LAMA2: variants seen among roughly 807,000 people sequenced by gnomAD.
The protein encoded by LAMA2 is laminin subunit alpha 2.
LAMA2 carries 269 observed loss-of-function variants against 364.8 expected under a neutral mutation model. That is an observed-to-expected ratio of 0.74 (90% CI 0.67 to 0.82). LAMA2 has a LOEUF of 0.82. LAMA2 is among the 40% of genes least tolerant of loss of function. The pLI, the probability that LAMA2 is intolerant of heterozygous loss-of-function variation, is 0.00. For synonymous variants in LAMA2, 1,379 were observed against 1,370.6 expected, an observed-to-expected ratio of 1.01 and a Z score of -0.14; for missense variants, 3,807 against 3,873.2, an observed-to-expected ratio of 0.98 and a Z score of 0.45.
At position 129,270,606 on chromosome 6, in the gene LAMA2, T is replaced by A. The variant is rs199846930; in HGVS notation, c.2323-18T>A. Reference sequence around the variant, plus strand: ...CTGACACCAAAATAATAAACTCTGATGCTCATTTCTTTCTCAGAACTGTAA... The same window carrying A: ...CTGACACCAAAATAATAAACTCTGAAGCTCATTTCTTTCTCAGAACTGTAA... On this transcript the variant is annotated intron_variant, in intron 16 of 64. Coordinates refer to ENST00000421865, the MANE Select transcript of LAMA2 (RefSeq NM_000426.4). 1,427 of 1,612,630 alleles carry A rather than the reference T, an allele frequency of 8.8e-4. 14 individuals are homozygous for A. Among genetic ancestry groups the A allele is most frequent in the Middle Eastern group, 4.1e-3 (25 of 6,052 alleles).
chr6:128,924,121 T>A (rs1778930411), intron 1 of LAMA2, among the ~76,000 whole-genome samples: 1 of 152,192 alleles, frequency 6.6e-6, no homozygotes, highest in Admixed American at 6.5e-5. Context: ...TCTATTAAAA[T>A]CATACTATGC....
At chr6:128,944,127 A>G (rs534301002) in intron 1 of LAMA2, among the ~76,000 whole-genome samples, 8 of 152,346 alleles carry the variant, frequency 5.3e-5, no homozygotes, top group Admixed American at 3.9e-4. Context: ...GGGAAAAAGC[A>G]AATGGGACCT....
At chr6:129,430,410 G>T (rs747559484) in intron 41 of LAMA2, among the ~76,000 whole-genome samples, 1 of 152,240 alleles carries the variant, frequency 6.6e-6, no homozygotes, top group Non-Finnish European at 1.5e-5. Flanking sequence ...TTTTTATGCT[G>T]TCCTTGCCTT....
rs1204564140 is a variant in LAMA2 at position 129,342,474 on chromosome 6, T to C, written c.4436+7T>C. ...TGATTTCTTCCAGTAACAAGTAAGA[T>C]TGAGAAATATAACCATATTTCCCAA... On this transcript the variant is annotated splice_region_variant and intron_variant, in intron 30 of 64. Coordinates refer to ENST00000421865, the MANE Select transcript of LAMA2 (RefSeq NM_000426.4). The C allele has an allele frequency of 6.2e-7, 1 of 1,612,388 alleles. No individual in the cohort carries two copies. Among genetic ancestry groups the C allele is most frequent in the Admixed American group, 1.7e-5 (1 of 59,982 alleles).
rs1429579718 is a variant in LAMA2, at chr6:129,393,100, G to A, written c.5290G>A (p.Glu1764Lys). ...VKKLFGESRGENEEMEKDLRE... is the reference protein window; with the variant it reads ...VKKLFGESRGKNEEMEKDLRE... ...GAAGCTGTTTGGAGAGTCCCGGGGG[G>A]AAAATGAAGAAATGGAGAAGGATCT... Residue 1764 changes from glutamate (E) to lysine (K), a missense_variant, in exon 37 of 65, where the codon GAA becomes AAA. Glu to Lys is a moderately conservative substitution (Grantham distance 56). Transcript: ENST00000421865. 3 of 1,613,844 alleles carry A rather than the reference G, an allele frequency of 1.9e-6. No homozygotes were observed. The highest frequency in any genetic ancestry group is 3.3e-5 in the Admixed American group (2 of 59,988).
Position 129,007,599 on chromosome 6 carries a change from C to A in LAMA2, c.113-42319C>A, listed in dbSNP as rs572476294. Among the ~76,000 whole-genome samples, 5 of 152,304 alleles carry A rather than the reference C, an allele frequency of 3.3e-5. No individual in the cohort carries two copies. The South Asian group carries it at 1.0e-3, about 32-fold the overall frequency. ...TGGGCTCAAATAAGATTAAACCAAA[C>A]CATTGTCATGTACATGTAAATATTG... is the stretch of plus-strand genomic sequence containing the variant. On this transcript the variant is annotated intron_variant, in intron 1 of 64. Coordinates refer to ENST00000421865, the MANE Select transcript of LAMA2 (RefSeq NM_000426.4).
At chr6:128,922,827 T>C (rs1335001695) in intron 1 of LAMA2, among the ~76,000 whole-genome samples, 5 of 152,226 alleles carry the variant, frequency 3.3e-5, no homozygotes, top group Admixed American at 2.0e-4. Flanking sequence ...TCTTCTAGTG[T>C]TTTTATGGTT....
At chr6:129,346,395 A>T (rs536354108) in intron 30 of LAMA2, among the ~76,000 whole-genome samples, 1 of 152,296 alleles carries the variant, frequency 6.6e-6, no homozygotes, top group East Asian at 1.9e-4. Context: ...CACAAAACCT[A>T]TCCATAGCAC....
At chr6:128,987,140 G>GTTTTTTTTTTTTTTTTTTTTT (rs764115716) in intron 1 of LAMA2, among the ~76,000 whole-genome samples, 1 of 121,358 alleles carries the variant, frequency 8.2e-6, no homozygotes, top group Admixed American at 1.0e-4. Flanking sequence ...TTTTTTTTTT[G>GTTTTTTTTTTTTTTTTTTTTT]TTTTTTTTTT....
At chr6:129,380,006 A>C (rs1778591407) in intron 34 of LAMA2, among the ~76,000 whole-genome samples, 1 of 152,210 alleles carries the variant, frequency 6.6e-6, no homozygotes, top group Admixed American at 6.5e-5. Context: ...AGGAATAAAA[A>C]GAGTAAGACA....
intron 3 of LAMA2, among the ~76,000 whole-genome samples, chr6:129,076,500 A>ATATATATTATATATATT (rs60878641): frequency 1.4e-5 from 2 of 140,278 alleles, no homozygotes; most frequent in African/African-American, 5.3e-5. Context: ...ATTATATATA[A>ATATATATTATATATATT]ATATATATAT....
At chr6:128,894,697 C>T (rs912884544) in intron 1 of LAMA2, among the ~76,000 whole-genome samples, 3 of 152,168 alleles carry the variant, frequency 2.0e-5, no homozygotes, top group Admixed American at 2.0e-4. Context: ...GTTACTACTT[C>T]ATCAAGTACA....
At chr6:129,304,141 G>A (rs867729554) in intron 22 of LAMA2, among the ~76,000 whole-genome samples, 31 of 152,250 alleles carry the variant, frequency 2.0e-4, no homozygotes, top group African/African-American at 5.3e-4. Context: ...TAGACATTAA[G>A]ATAATAATAT....
intron 7 of LAMA2, among the ~76,000 whole-genome samples, chr6:129,149,766 T>C (rs1337026844): frequency 6.6e-6 from 1 of 152,196 alleles, no homozygotes; most frequent in African/African-American, 2.4e-5. Flanking sequence ...AAGTTGCATC[T>C]GTACTGAACT....
intron 29 of LAMA2, among the ~76,000 whole-genome samples, chr6:129,341,726 C>T (rs954454177): frequency 1.3e-5 from 2 of 152,196 alleles, no homozygotes; most frequent in African/African-American, 2.4e-5. Flanking sequence ...GCACACTATT[C>T]TGAAGCTATT....
intron 8 of LAMA2, chr6:129,159,082 G>A: frequency 6.3e-7 from 1 of 1,578,846 alleles, no homozygotes; most frequent in Non-Finnish European, 8.7e-7. Flanking sequence ...TGAACAAATA[G>A]GCTCCCAATA....
At chr6:129,475,477 T>C in intron 53 of LAMA2, 76 bp downstream of exon 53, 2 of 1,055,436 alleles carry the variant, frequency 1.9e-6, no homozygotes, top group Non-Finnish European at 2.9e-6. Context: ...AAAGCAGCCG[T>C]GCAGAAGCAG....
At chr6:128,919,297 T>G (rs1778545787) in intron 1 of LAMA2, among the ~76,000 whole-genome samples, 1 of 152,212 alleles carries the variant, frequency 6.6e-6, no homozygotes, top group South Asian at 2.1e-4. Context: ...GTAGCAATTT[T>G]AAATGTTCTG....
At chr6:129,031,727 G>A (rs1323916216) in intron 1 of LAMA2, among the ~76,000 whole-genome samples, 1 of 152,144 alleles carries the variant, frequency 6.6e-6, no homozygotes, top group Non-Finnish European at 1.5e-5. Flanking sequence ...GTTTGGTTTT[G>A]TGTTTTAGTC....
Sources: gnomAD v4.1 joint callset for allele counts (sites outside exome capture counted in the v4.1 genomes callset) on GRCh38, gnomAD v4.1.1 for gene constraint, MANE v1.5 for transcripts, NCBI Gene and HGNC (gene_info 2026-07-23, HGNC 2026-07-21) for gene names.